EIF4E3: variants seen among roughly 807,000 people sequenced by gnomAD.
EIF4E3 encodes the protein eukaryotic translation initiation factor 4E type 3.
A neutral mutation model predicts 31.7 loss-of-function variants in EIF4E3; 26 were observed. The observed-to-expected ratio is 0.82, with a 90% CI of 0.60 to 1.14. The LOEUF is 1.14. EIF4E3 is among the 50% of genes most tolerant of loss of function. The pLI is 0.00. For missense variants in EIF4E3, 304 were observed against 270.9 expected (o/e 1.12, Z -0.86); for synonymous variants, 128 against 107.7 (o/e 1.19, Z -1.17).
downstream of EIF4E3, among the ~76,000 whole-genome samples, chr3:71,671,952 G>A (rs374369680): frequency 1.3e-5 from 2 of 152,110 alleles, no homozygotes; most frequent in African/African-American, 2.4e-5. Flanking sequence ...TGGATGCTCC[G>A]CAGAACAGGA....
At chr3:71,747,305 T>A (rs2049884123) in intron 1 of EIF4E3, among the ~76,000 whole-genome samples, 1 of 152,226 alleles carries the variant, frequency 6.6e-6, no homozygotes, top group African/African-American at 2.4e-5. Context: ...TCATCTACAT[T>A]TTTGATAATA....
At chr3:71,714,297 G>GGAAC (rs1559602599) in intron 1 of EIF4E3, among the ~76,000 whole-genome samples, 2 of 94,304 alleles carry the variant, frequency 2.1e-5, no homozygotes, top group East Asian at 4.0e-4. Context: ...AAGGAAGGAA[G>GGAAC]GAAGGAACGA....
chr3:71,753,691 C>T, upstream of EIF4E3: 1 of 149,472 alleles, frequency 6.7e-6, no homozygotes, highest in Non-Finnish European at 1.5e-5. Flanking sequence ...GCGGCGGCGG[C>T]GGGCCCGGCG....
At chr3:71,708,893 C>A (rs2108073544) in intron 2 of EIF4E3, among the ~76,000 whole-genome samples, 2 of 152,314 alleles carry the variant, frequency 1.3e-5, no homozygotes, top group South Asian at 4.1e-4. Context: ...CACTGCACAG[C>A]AGCACTGCTG....
At chr3:71,716,970 T>C (rs1004577535) in intron 1 of EIF4E3, among the ~76,000 whole-genome samples, 1 of 152,216 alleles carries the variant, frequency 6.6e-6, no homozygotes, top group African/African-American at 2.4e-5. Context: ...CTAAGCTCAT[T>C]AAGAAAGTTC....
intron 1 of EIF4E3, among the ~76,000 whole-genome samples, chr3:71,741,395 C>T (rs1420171777): frequency 1.3e-5 from 2 of 152,022 alleles, no homozygotes; most frequent in African/African-American, 4.8e-5. Flanking sequence ...TAAGTAAATT[C>T]CGGAGCAAAG....
the EIF4E3 span, among the ~76,000 whole-genome samples, chr3:71,663,524 C>T: frequency 6.6e-6 from 1 of 152,166 alleles, no homozygotes; most frequent in Non-Finnish European, 1.5e-5. Flanking sequence ...AAGGCAGGGC[C>T]CTTGGGTTTT....
chr3:71,722,926 C>T (rs7647717), intron 1 of EIF4E3, among the ~76,000 whole-genome samples: 1 of 152,196 alleles, frequency 6.6e-6, no homozygotes, highest in Non-Finnish European at 1.5e-5. Flanking sequence ...CCCTGTGAGA[C>T]ATAGCCTATG....
downstream of EIF4E3, among the ~76,000 whole-genome samples, chr3:71,670,931 T>A (rs1366519063): frequency 1.3e-5 from 2 of 152,044 alleles, no homozygotes; most frequent in East Asian, 3.9e-4. Flanking sequence ...GGTGTAAGGC[T>A]GAGGAAGCCA....
chr3:71,672,438 C>T (rs1012125030), downstream of EIF4E3, among the ~76,000 whole-genome samples: 1 of 152,184 alleles, frequency 6.6e-6, no homozygotes, highest in Non-Finnish European at 1.5e-5. Flanking sequence ...TTAATAAGGC[C>T]TTTCTCCTTT....
intron 5 of EIF4E3, among the ~76,000 whole-genome samples, chr3:71,690,884 C>A (rs751175612): frequency 6.6e-6 from 1 of 152,134 alleles, no homozygotes; most frequent in African/African-American, 2.4e-5. Context: ...ATTATAGGAT[C>A]GTCCTTCAAT....
At chr3:71,752,365 G>C (rs2049938528) in intron 1 of EIF4E3, among the ~76,000 whole-genome samples, 1 of 152,088 alleles carries the variant, frequency 6.6e-6, no homozygotes, top group Non-Finnish European at 1.5e-5. Context: ...AATGTTCCTG[G>C]AGCACACCTA....
intron 1 of EIF4E3, among the ~76,000 whole-genome samples, chr3:71,746,800 C>G (rs565597700): frequency 6.6e-6 from 1 of 152,172 alleles, no homozygotes; most frequent in Non-Finnish European, 1.5e-5. Context: ...TCCTTTCCCC[C>G]AGCTCCCAGC....
chr3:71,673,162 A>G (rs1167532013), downstream of EIF4E3, among the ~76,000 whole-genome samples: 2 of 152,310 alleles, frequency 1.3e-5, no homozygotes, highest in Middle Eastern at 3.4e-3. Flanking sequence ...TGGCCGCAAG[A>G]TATTATTTAA....
At chr3:71,736,018 G>A (rs2049759424) in intron 1 of EIF4E3, among the ~76,000 whole-genome samples, 1 of 152,190 alleles carries the variant, frequency 6.6e-6, no homozygotes, top group South Asian at 2.1e-4. Flanking sequence ...ACATCTTGCT[G>A]ATGATATACA....
upstream of EIF4E3, chr3:71,753,671 A>AGCGGCGGCGGCGGCGGCG (rs1207098847): frequency 2.9e-5 from 4 of 138,552 alleles, no homozygotes; most frequent in African/African-American, 8.6e-5. Flanking sequence ...CGGCGGCGGC[A>AGCGGCGGCGGCGGCGGCG]GCGGCGGCAG....
In EIF4E3 at chr3:71,681,267, A is replaced by T. The variant is rs1282782676; in HGVS notation, c.*3415T>A. The stretch of plus-strand genomic sequence containing the variant: ...TGCAGTAGGATCTTAAAAAAATTCT[A>T]CAAACATAGCTGGATAAATTCTGCT... On this transcript the variant is annotated 3_prime_UTR_variant, in exon 7 of 7. Coordinates refer to ENST00000425534, the MANE Select transcript of EIF4E3 (RefSeq NM_001134651.2). 6.6e-6 allele frequency: 1 copy of T among 152,258 alleles called. No homozygotes were observed. The highest frequency in any genetic ancestry group is 2.4e-5 in the African/African-American group (1 of 41,470). The allele number at this position is 152,258 out of a possible 1,614,324, so 9.4% of individuals were successfully genotyped here.
intron 1 of EIF4E3, among the ~76,000 whole-genome samples, chr3:71,743,196 G>A (rs1296122046): frequency 6.6e-6 from 1 of 152,034 alleles, no homozygotes; most frequent in Non-Finnish European, 1.5e-5. Context: ...TGAAAAAACG[G>A]TAACATTGTC....
the EIF4E3 span, among the ~76,000 whole-genome samples, chr3:71,662,221 C>G: frequency 6.6e-6 from 1 of 152,108 alleles, no homozygotes; most frequent in African/African-American, 2.4e-5. Flanking sequence ...CACTTTCCAC[C>G]AATAAATTGA....
Sources: gnomAD v4.1 joint callset for allele counts (sites outside exome capture counted in the v4.1 genomes callset) on GRCh38, gnomAD v4.1.1 for gene constraint, MANE v1.5 for transcripts, NCBI Gene and HGNC (gene_info 2026-07-23, HGNC 2026-07-21) for gene names.